The following PDHX variants were observed in gnomAD, a reference collection of about 807,000 sequenced individuals.
PDHX encodes the protein pyruvate dehydrogenase protein X component, mitochondrial.
PDHX carries 33 observed loss-of-function variants against 55.3 expected under a neutral mutation model. The observed-to-expected ratio is 0.60, with a 90% confidence interval of 0.45 to 0.80. The LOEUF (loss-of-function observed/expected upper bound fraction) is 0.80. Among genes scored for constraint, PDHX ranks in the 30% least tolerant of loss-of-function variants. The pLI is 0.00. For synonymous variants in PDHX, 226 were observed against 219.4 expected (o/e 1.03, Z -0.27); for missense variants, 622 against 619.9 (o/e 1.00, Z -0.04).
At chr11:34,933,334 T>C (rs1854222330) in intron 2 of PDHX, among the ~76,000 whole-genome samples, 1 of 152,220 alleles carries the variant, frequency 6.6e-6, no homozygotes, top group African/African-American at 2.4e-5. Context: ...TTTGATTATA[T>C]GGCCCTAATA....
intron 8 of PDHX, among the ~76,000 whole-genome samples, chr11:34,982,882 C>T (rs1449767777): frequency 6.6e-6 from 1 of 152,134 alleles, no homozygotes; most frequent in Non-Finnish European, 1.5e-5. Context: ...GAAACTATTC[C>T]AATCAATAGA....
chr11:34,939,111 G>C (rs1010246555), intron 2 of PDHX, among the ~76,000 whole-genome samples: 1 of 150,446 alleles, frequency 6.6e-6, no homozygotes, highest in African/African-American at 2.4e-5. Context: ...AGTATGCCTG[G>C]TTCTTGGTAC....
chr11:34,934,688 C>A (rs1157965809), intron 2 of PDHX, among the ~76,000 whole-genome samples: 4 of 148,028 alleles, frequency 2.7e-5, no homozygotes, highest in Admixed American at 6.9e-5. Context: ...GGGTGATTCT[C>A]CCACCTAAGC....
intron 2 of PDHX, among the ~76,000 whole-genome samples, chr11:34,946,081 TTTG>T (rs1293460867): frequency 8.5e-5 from 13 of 152,304 alleles, no homozygotes; most frequent in African/African-American, 3.1e-4. Flanking sequence ...TTCGTTTTGT[TTTG>T]TTTTTTGTTT....
At chr11:34,958,673 G>C (rs1854956796) in intron 4 of PDHX, among the ~76,000 whole-genome samples, 1 of 152,078 alleles carries the variant, frequency 6.6e-6, no homozygotes, top group Admixed American at 6.5e-5. Context: ...CCCATTTACT[G>C]TCTCCTCTTT....
At chr11:34,956,805 G>T (rs145984554) in intron 3 of PDHX, among the ~76,000 whole-genome samples, 1 of 152,162 alleles carries the variant, frequency 6.6e-6, no homozygotes, top group African/African-American at 2.4e-5. Flanking sequence ...GATATACAGG[G>T]AAATAATTAA....
intron 1 of PDHX, among the ~76,000 whole-genome samples, chr11:34,927,071 TTAAATA>T (rs1339741146): frequency 1.3e-5 from 2 of 152,070 alleles, no homozygotes; most frequent in South Asian, 2.1e-4. Flanking sequence ...ATCAGCAAGT[TTAAATA>T]TAAAGTACTG....
chr11:34,923,288 T>A (rs142492743), intron 1 of PDHX, among the ~76,000 whole-genome samples: 1 of 152,292 alleles, frequency 6.6e-6, no homozygotes, highest in Non-Finnish European at 1.5e-5. Context: ...TCAAGGACTT[T>A]ATTATATGAA....
upstream of PDHX, chr11:34,916,373 TGCAATCAGGCGGC>T: frequency 6.4e-7 from 1 of 1,564,940 alleles, no homozygotes; most frequent in South Asian, 1.2e-5. Context: ...AGGCCGCAAA[TGCAATCAGGCGGC>T]GCTGAGGGCA....
At chr11:34,918,097 T>C (rs1282704129) in intron 1 of PDHX, among the ~76,000 whole-genome samples, 2 of 152,118 alleles carry the variant, frequency 1.3e-5, no homozygotes, top group African/African-American at 4.8e-5. Context: ...TTTGAGAATC[T>C]TTGAAAATGT....
chr11:34,965,285 C>T lies in PDHX; in HGVS notation c.642-1355C>T, dbSNP rs181774053. ...TGGCCCTTGTTTTCTTTCTAGCTCT[C>T]AGCCAAGAACCACTGACAGCTCCCA... On this transcript the variant is annotated intron_variant, in intron 5 of 10. Transcript: ENST00000227868. Among the ~76,000 whole-genome samples, 84 of 152,312 alleles carry T rather than the reference C, an allele frequency of 5.5e-4. 1 individual carries two copies. The East Asian group carries it at 0.015, about 28-fold the overall frequency.
chr11:34,948,730 G>A (rs1854684400), intron 3 of PDHX, among the ~76,000 whole-genome samples: 2 of 151,468 alleles, frequency 1.3e-5, no homozygotes, highest in South Asian at 4.2e-4. Context: ...ATGAATCAAA[G>A]CCTAAAATTT....
intron 2 of PDHX, among the ~76,000 whole-genome samples, chr11:34,946,928 G>A (rs1386033336): frequency 6.6e-6 from 1 of 152,120 alleles, no homozygotes; most frequent in African/African-American, 2.4e-5. Flanking sequence ...GGAACTTCAG[G>A]TCTTCCTCCA....
intron 10 of PDHX, among the ~76,000 whole-genome samples, 194 bp from the exon 11 acceptor site, chr11:34,994,720 T>TA (rs1855822214): frequency 6.6e-6 from 1 of 151,542 alleles, no homozygotes; most frequent in South Asian, 2.1e-4. Flanking sequence ...TTTTACTAGT[T>TA]ATCTATAGTC....
At chr11:34,969,272 A>G (rs1855202090) in intron 6 of PDHX, among the ~76,000 whole-genome samples, 1 of 152,172 alleles carries the variant, frequency 6.6e-6, no homozygotes, top group African/African-American at 2.4e-5. Context: ...ACTTCATCAT[A>G]AGTCAAAGGG....
intron 1 of PDHX, among the ~76,000 whole-genome samples, chr11:34,925,696 G>T (rs551783643): frequency 6.6e-6 from 1 of 152,246 alleles, no homozygotes; most frequent in Non-Finnish European, 1.5e-5. Flanking sequence ...TTCAATCTTT[G>T]TATGTGTACA....
At chr11:34,957,193 A>T (rs1220126016) in intron 3 of PDHX, among the ~76,000 whole-genome samples, 191 bp from the exon 4 acceptor site, 1 of 152,224 alleles carries the variant, frequency 6.6e-6, no homozygotes, top group African/African-American at 2.4e-5. Flanking sequence ...GAAGAGGAGA[A>T]TGGTGAAGGA....
chr11:34,967,223 T>C (rs1855157285), intron 6 of PDHX, among the ~76,000 whole-genome samples: 1 of 152,184 alleles, frequency 6.6e-6, no homozygotes, highest in Admixed American at 6.5e-5. Flanking sequence ...TAAGAGTAGA[T>C]TTAAAACAGA....
intron 1 of PDHX, among the ~76,000 whole-genome samples, chr11:34,924,986 T>C (rs1853985443): frequency 6.6e-6 from 1 of 152,216 alleles, no homozygotes; most frequent in Non-Finnish European, 1.5e-5. Flanking sequence ...TATTCAGTGT[T>C]TACATTAAAC....
Sources: gnomAD v4.1 joint callset for allele counts (sites outside exome capture counted in the v4.1 genomes callset) on GRCh38, gnomAD v4.1.1 for gene constraint, MANE v1.5 for transcripts, NCBI Gene and HGNC (gene_info 2026-07-23, HGNC 2026-07-21) for gene names.